Variants in GALNT9 observed in about 807,000 individuals in gnomAD.
The protein encoded by GALNT9 is GalNAc transferase 9.
In GALNT9, 47 loss-of-function variants were observed where a neutral mutation model predicts 63.1. The ratio of observed to expected loss-of-function variants is 0.75; its 90% CI spans 0.59 to 0.95. The LOEUF is 0.95. GALNT9 is among the 40% of genes least tolerant of loss of function. GALNT9 has a pLI of 0.00. For missense variants in GALNT9, 829 were observed against 874.8 expected (o/e 0.95, Z 0.66); for synonymous variants, 396 against 365.7 (o/e 1.08, Z -0.94).
At chr12:132,203,453 T>C in intron 7 of GALNT9, 52 bp downstream of exon 7, 1 of 1,585,832 alleles carries the variant, frequency 6.3e-7, no homozygotes, top group South Asian at 1.1e-5. Context: ...TGCCGTGGCA[T>C]TGACCCCGAC....
chr12:132,213,547 G>A (rs977363638), intron 6 of GALNT9, among the ~76,000 whole-genome samples: 8 of 150,438 alleles, frequency 5.3e-5, no homozygotes, highest in South Asian at 2.1e-4. Flanking sequence ...ACATACAGGC[G>A]CACTCACACA....
chr12:132,240,696 A>C (rs2136899226), intron 6 of GALNT9: 7 of 455,746 alleles, frequency 1.5e-5, no homozygotes, highest in South Asian at 4.6e-5. Context: ...TCTGTTTATA[A>C]TTTACCTTAT....
rs1173624252 is a variant in GALNT9 at position 132,196,965 on chromosome 12, C to T, written c.*142G>A. ...GTGACACCCTGGTCACTCAGCCACA[C>T]CCCGGCCCCTCAGCCTCTGCTGTCC... On this transcript the variant is annotated 3_prime_UTR_variant, in exon 11 of 11. Transcript: ENST00000328957. 3 of 1,494,022 alleles carry T rather than the reference C, an allele frequency of 2.0e-6. No individual in the cohort carries two copies. The highest frequency in any genetic ancestry group is 4.7e-5 in the East Asian group (2 of 42,420). The allele number at this position is 1,494,022 out of a possible 1,614,324, so 92.5% of individuals were successfully genotyped here.
intron 6 of GALNT9, among the ~76,000 whole-genome samples, chr12:132,230,416 G>A (rs1301165510): frequency 6.6e-6 from 1 of 152,254 alleles, no homozygotes; most frequent in Non-Finnish European, 1.5e-5. Context: ...ACTGCAGGGG[G>A]GTTTGGTGGG....
chr12:132,208,920 C>T (rs1342826163), intron 6 of GALNT9, among the ~76,000 whole-genome samples: 1 of 152,196 alleles, frequency 6.6e-6, no homozygotes, highest in Non-Finnish European at 1.5e-5. Context: ...CCATGCATCC[C>T]CACTGCCCAA....
At chr12:132,216,009 G>A (rs1045697413) in intron 6 of GALNT9, among the ~76,000 whole-genome samples, 3 of 152,176 alleles carry the variant, frequency 2.0e-5, no homozygotes, top group East Asian at 1.9e-4. Flanking sequence ...GAAGGGAGAC[G>A]GTGGCGGGGC....
chr12:132,209,992 A>G lies in GALNT9; in HGVS notation c.1078-6302T>C, dbSNP rs145784286. 2.5e-3 allele frequency among the ~76,000 whole-genome samples: 387 copies of G among 152,258 alleles called. 5 individuals carry two copies. The highest frequency in any genetic ancestry group is 8.9e-3 in the African/African-American group (371 of 41,542). ...GGACTCGCCCCGAATTCTGCCTTGT[A>G]CAAGATCCAAGAGGCCTCTCTTGGG... On this transcript the variant is annotated intron_variant, in intron 6 of 10. Transcript: ENST00000328957.
intron 1 of GALNT9, among the ~76,000 whole-genome samples, chr12:132,302,841 G>A (rs541210586): frequency 3.3e-5 from 5 of 152,322 alleles, no homozygotes; most frequent in South Asian, 2.1e-4. Context: ...TTTCTGTGCC[G>A]CTGGGATCTT....
At chr12:132,313,766 C>G (rs562153268) in intron 1 of GALNT9, among the ~76,000 whole-genome samples, 10 of 145,346 alleles carry the variant, frequency 6.9e-5, no homozygotes, top group African/African-American at 2.6e-4. Context: ...ACCCATCCAC[C>G]CAGCCATCCA....
intron 1 of GALNT9, among the ~76,000 whole-genome samples, chr12:132,295,263 T>G (rs1881011652): frequency 1.3e-5 from 2 of 152,178 alleles, no homozygotes; most frequent in Admixed American, 1.3e-4. Context: ...CCGGGCACCA[T>G]GCAGGCAGGG....
intron 1 of GALNT9, among the ~76,000 whole-genome samples, chr12:132,325,107 C>T (rs61945705): frequency 0.083 from 12,567 of 152,284 alleles, 564 homozygotes; most frequent in African/African-American, 0.11. Flanking sequence ...GCTCATGTGG[C>T]CCCGGCTCAG....
chr12:132,201,090 T>A, intron 8 of GALNT9, 34 bp downstream of exon 8: 2 of 1,603,388 alleles, frequency 1.2e-6, no homozygotes, highest in Non-Finnish European at 1.7e-6. Context: ...AGAAAGCCTG[T>A]CGGGCCGAAC....
At position 132,265,017 on chromosome 12, in the gene GALNT9, G is replaced by A. The variant is rs1163453670; in HGVS notation, c.420-2392C>T. On this transcript the variant is annotated intron_variant, in intron 2 of 10. Coordinates refer to ENST00000328957, the MANE Select transcript of GALNT9 (RefSeq NM_001122636.2). The surrounding 1 kb of genome is among the most constrained non-coding windows in gnomAD (Gnocchi z 5.3). ...CCTGCCAGGTCGTTTCCACACGCGC[G>A]GAGTTGAAGCGTTTTTATTTAACTC... is the stretch of plus-strand genomic sequence containing the variant. 2.0e-5 allele frequency among the ~76,000 whole-genome samples: 3 copies of A among 152,210 alleles called. No homozygotes were observed. The highest frequency in any genetic ancestry group is 4.4e-5 in the Non-Finnish European group (3 of 68,036).
At position 132,329,140 on chromosome 12, in the gene GALNT9, C is replaced by T; in HGVS notation, c.64G>A (p.Val22Ile). 6.5e-7 allele frequency: 1 copy of T among 1,549,518 alleles called. No homozygotes were observed. The highest frequency in any genetic ancestry group is 2.4e-5 in the East Asian group (1 of 40,872). The stretch of plus-strand genomic sequence containing the variant: ...AGGCGGCAGTACACGGAGAACAGGA[C>T]GATGCCCACGAACACCAGGATGTTC... ...TVNILVFVGIVLFSVYCRLQG... is the reference protein window; with the variant it reads ...TVNILVFVGIILFSVYCRLQG... Residue 22 changes from valine to isoleucine, a missense_variant, in exon 1 of 11, where the codon GTC becomes ATC. Val to Ile is a conservative substitution (Grantham distance 29). Transcript: ENST00000328957.
intron 1 of GALNT9, among the ~76,000 whole-genome samples, chr12:132,320,800 G>A (rs778624608): frequency 3.9e-5 from 6 of 152,250 alleles, no homozygotes; most frequent in Non-Finnish European, 7.3e-5. Flanking sequence ...GGAGGTGGGC[G>A]GCGCCAGCGG....
chr12:132,274,521 T>G (rs1297850701), intron 2 of GALNT9: 2 of 152,302 alleles, frequency 1.3e-5, no homozygotes, highest in Non-Finnish European at 2.9e-5. Context: ...GCAGGGGTTC[T>G]GGGTGTGGGT....
chr12:132,251,728 G>A lies in GALNT9; in HGVS notation c.960-3701C>T, dbSNP rs538840246. ...CTGGGGAATGGAGGTAGTGCTTGGG[G>A]TTCCAGAGCTTTGGAGGGAATAATT... On this transcript the variant is annotated intron_variant, in intron 5 of 10. Transcript: ENST00000328957. Among the ~76,000 whole-genome samples, 2 of 150,902 alleles carry A rather than the reference G, an allele frequency of 1.3e-5. 1 individual carries two copies. Among genetic ancestry groups the A allele is most frequent in the Non-Finnish European group, 3.0e-5 (2 of 67,728 alleles).
intron 6 of GALNT9, among the ~76,000 whole-genome samples, chr12:132,211,060 TCTC>T (rs972171041): frequency 1.6e-4 from 25 of 152,026 alleles, no homozygotes; most frequent in Non-Finnish European, 3.5e-4. Flanking sequence ...GCCCAGTTCT[TCTC>T]CACCACAACG....
chr12:132,305,537 TCACCCGGGCACACCCTCACCG>T (rs1881569757), intron 1 of GALNT9, among the ~76,000 whole-genome samples: 1 of 143,628 alleles, frequency 7.0e-6, no homozygotes, highest in East Asian at 2.1e-4. Context: ...GGGCACACCC[TCACCCGGGCACACCCTCACCG>T]GGGCACACCC....
Sources: gnomAD v4.1 joint callset for allele counts (sites outside exome capture counted in the v4.1 genomes callset) on GRCh38, gnomAD v4.1.1 for gene constraint, Gnocchi (gnomAD v3.1) non-coding constraint, MANE v1.5 for transcripts, NCBI Gene and HGNC (gene_info 2026-07-23, HGNC 2026-07-21) for gene names.